PLCB1: variants seen among roughly 807,000 people sequenced by gnomAD.
PLCB1 encodes the protein 1-phosphatidylinositol 4,5-bisphosphate phosphodiesterase beta-1.
In PLCB1, 46 loss-of-function variants were observed where a neutral mutation model predicts 161.8. That is an observed-to-expected ratio of 0.28 (90% CI 0.22 to 0.36). PLCB1 has a LOEUF of 0.36. PLCB1 is among the 10% of genes least tolerant of loss of function. The probability of loss-of-function intolerance (pLI) is 1.00; values close to 1 mark genes in which losing one functional copy is unlikely to be tolerated. For synonymous variants in PLCB1, 517 were observed against 503.7 expected (o/e 1.03, Z -0.35); for missense variants, 1,016 against 1,472.5 (o/e 0.69, Z 5.07).
chr20:8,377,772 T>C (rs536893922), intron 3 of PLCB1, among the ~76,000 whole-genome samples: 2 of 152,242 alleles, frequency 1.3e-5, no homozygotes, highest in African/African-American at 4.8e-5. Flanking sequence ...GAAGAGCATA[T>C]TTAAACAGAA....
chr20:8,728,395 A>G (rs1355291074), intron 17 of PLCB1, among the ~76,000 whole-genome samples: 1 of 152,074 alleles, frequency 6.6e-6, no homozygotes. Context: ...AACAACTACA[A>G]GATTCTTAGG....
chr20:8,495,596 A>G (rs1600107008), intron 3 of PLCB1, among the ~76,000 whole-genome samples: 1 of 151,166 alleles, frequency 6.6e-6, no homozygotes, highest in African/African-American at 2.4e-5. Flanking sequence ...ACGGGGTTTC[A>G]CCCTGTTAGC....
chr20:8,650,571 T>C (rs1368264581), intron 7 of PLCB1, among the ~76,000 whole-genome samples: 1 of 152,228 alleles, frequency 6.6e-6, no homozygotes, highest in African/African-American at 2.4e-5. Context: ...AAAGTTATTT[T>C]CTTCTACCCT....
rs138953391 is a variant in PLCB1 at position 8,858,838 on chromosome 20, CAAAG to C, written c.3424-22781_3424-22778del. Among the ~76,000 whole-genome samples the C allele has an allele frequency of 8.4e-3, 1,153 of 137,742 alleles. 12 individuals are homozygous for C. The highest frequency in any genetic ancestry group is 0.03 in the African/African-American group (1,096 of 36,248). 90.4% of individuals were successfully genotyped at this position (137,742 alleles called of 152,430 possible). A position where few individuals can be genotyped will look rare whatever the true frequency, so the allele number is the denominator to read the frequency against. ...TTGTTTTAAAAAGGGGTTCAGTAGA[CAAAG>C]AAGGCCATTCCCTTTTTCCCAACTC... On this transcript the variant is annotated intron_variant, in intron 31 of 31. Transcript: ENST00000338037.
intron 2 of PLCB1, among the ~76,000 whole-genome samples, chr20:8,219,460 A>G (rs1360992145): frequency 6.6e-6 from 1 of 152,154 alleles, no homozygotes; most frequent in Non-Finnish European, 1.5e-5. Context: ...AGAAGGTGGG[A>G]TGCTCTCTAT....
rs1053508067 is a variant in PLCB1, at chr20:8,436,765, C to T, written c.246+65315C>T. 3.3e-5 allele frequency among the ~76,000 whole-genome samples: 5 copies of T among 152,040 alleles called. No homozygotes were observed. In the East Asian group the frequency reaches 5.8e-4, roughly 18 times the overall value. On this transcript the variant is annotated intron_variant, in intron 3 of 31. Coordinates refer to ENST00000338037, the MANE Select transcript of PLCB1 (RefSeq NM_015192.4). ...ATGTGCCAACACTTGACCTAGCCAC[C>T]GTAGCCATGGAATTTTATTTATTTA...
At chr20:8,191,177 A>G (rs1428438765) in intron 2 of PLCB1, among the ~76,000 whole-genome samples, 6 of 152,038 alleles carry the variant, frequency 3.9e-5, no homozygotes, top group Non-Finnish European at 7.4e-5. Context: ...GTAGGTTTAT[A>G]TATTTATGGG....
intron 3 of PLCB1, among the ~76,000 whole-genome samples, chr20:8,446,661 T>A (rs1328527901): frequency 6.6e-6 from 1 of 152,162 alleles, no homozygotes; most frequent in African/African-American, 2.4e-5. Flanking sequence ...GAAAACCCAA[T>A]CGTCTCAGAC....
At chr20:8,827,088 C>T (rs1264152878) in intron 31 of PLCB1, among the ~76,000 whole-genome samples, 1 of 152,126 alleles carries the variant, frequency 6.6e-6, no homozygotes. Flanking sequence ...TTAAGGAAAC[C>T]ACCATAAAAG....
At chr20:8,245,377 A>C (rs1980831738) in intron 2 of PLCB1, among the ~76,000 whole-genome samples, 1 of 151,896 alleles carries the variant, frequency 6.6e-6, no homozygotes, top group African/African-American at 2.4e-5. Context: ...TGTGCTATAA[A>C]AATGATATTA....
At chr20:8,694,518 A>C (rs1384068867) in intron 10 of PLCB1, among the ~76,000 whole-genome samples, 2 of 152,208 alleles carry the variant, frequency 1.3e-5, no homozygotes, top group Non-Finnish European at 2.9e-5. Flanking sequence ...AACATTCAAA[A>C]AATACATCAA....
chr20:8,419,416 G>A (rs1568668851), intron 3 of PLCB1, among the ~76,000 whole-genome samples: 1 of 151,948 alleles, frequency 6.6e-6, no homozygotes, highest in Non-Finnish European at 1.5e-5. Flanking sequence ...AATGGTTTGT[G>A]TTATGATTTT....
chr20:8,215,108 T>A (rs1327064008), intron 2 of PLCB1, among the ~76,000 whole-genome samples: 1 of 152,096 alleles, frequency 6.6e-6, no homozygotes, highest in Non-Finnish European at 1.5e-5. Flanking sequence ...GTGTTTACCA[T>A]GTGAATTTGA....
At chr20:8,358,962 A>G (rs1187228636) in intron 2 of PLCB1, among the ~76,000 whole-genome samples, 1 of 152,200 alleles carries the variant, frequency 6.6e-6, no homozygotes, top group Non-Finnish European at 1.5e-5. Flanking sequence ...CTTGTTTCTC[A>G]TGAAGGTCAA....
intron 2 of PLCB1, among the ~76,000 whole-genome samples, chr20:8,302,852 AATATT>A (rs1342229181): frequency 6.6e-6 from 1 of 152,186 alleles, no homozygotes; most frequent in Admixed American, 6.5e-5. Context: ...TTCTTTATTA[AATATT>A]ATATTATACC....
At chr20:8,546,799 A>T (rs1985569029) in intron 3 of PLCB1, among the ~76,000 whole-genome samples, 1 of 152,160 alleles carries the variant, frequency 6.6e-6, no homozygotes, top group African/African-American at 2.4e-5. Flanking sequence ...CTTGACAAAA[A>T]AAAAAAAATC....
intron 1 of PLCB1, among the ~76,000 whole-genome samples, chr20:8,146,696 G>A (rs553320663): frequency 7.8e-4 from 119 of 152,068 alleles, no homozygotes; most frequent in Non-Finnish European, 1.3e-3. Context: ...TCAGGATTTC[G>A]AGGTTTTGTT....
chr20:8,771,916 C>G (rs966971361), intron 26 of PLCB1, among the ~76,000 whole-genome samples: 1 of 118,040 alleles, frequency 8.5e-6, no homozygotes, highest in Non-Finnish European at 1.9e-5. Context: ...GGGTCTTGCT[C>G]TTTTGCTCAG....
chr20:8,297,322 A>T (rs945332591), intron 2 of PLCB1, among the ~76,000 whole-genome samples: 1 of 152,124 alleles, frequency 6.6e-6, no homozygotes, highest in Non-Finnish European at 1.5e-5. Flanking sequence ...TTTCTTTTCC[A>T]TATTGAAAAT....
Sources: gnomAD v4.1 joint callset for allele counts (sites outside exome capture counted in the v4.1 genomes callset) on GRCh38, gnomAD v4.1.1 for gene constraint, MANE v1.5 for transcripts, NCBI Gene and HGNC (gene_info 2026-07-23, HGNC 2026-07-21) for gene names.